Variants in RIMS1 observed in about 807,000 individuals in gnomAD.
The protein encoded by RIMS1 is regulating synaptic membrane exocytosis 1.
A neutral mutation model predicts 214.1 loss-of-function variants in RIMS1; 83 were observed. The observed-to-expected ratio is 0.39, with a 90% CI of 0.32 to 0.47. The LOEUF (loss-of-function observed/expected upper bound fraction) is 0.47. RIMS1 is among the 20% of genes least tolerant of loss of function. The probability of loss-of-function intolerance (pLI) is 0.99; values close to 1 mark genes in which losing one functional copy is unlikely to be tolerated. For synonymous variants in RIMS1, 793 were observed against 786.8 expected (o/e 1.01, Z -0.13); for missense variants, 2,050 against 2,161.8 (o/e 0.95, Z 1.03).
chr6:72,276,369 TTATC>T (rs2086411276), intron 23 of RIMS1, among the ~76,000 whole-genome samples: 1 of 152,184 alleles, frequency 6.6e-6, no homozygotes, highest in Non-Finnish European at 1.5e-5. Context: ...AAATGTAAGT[TTATC>T]TGGGCATTGA....
chr6:72,134,326 A>C (rs2040924835), intron 4 of RIMS1, among the ~76,000 whole-genome samples: 2 of 151,964 alleles, frequency 1.3e-5, no homozygotes, highest in Admixed American at 6.6e-5. Flanking sequence ...ATATGTATAT[A>C]TGTGGATTTT....
chr6:72,238,443 TAA>T (rs1242432528), intron 9 of RIMS1, among the ~76,000 whole-genome samples: 4 of 152,096 alleles, frequency 2.6e-5, no homozygotes, highest in African/African-American at 9.6e-5. Context: ...TTAGTAAATT[TAA>T]AAGTGACTCA....
chr6:71,919,991 C>G (rs939427133), intron 1 of RIMS1, among the ~76,000 whole-genome samples: 1 of 152,110 alleles, frequency 6.6e-6, no homozygotes, highest in Non-Finnish European at 1.5e-5. Flanking sequence ...CAATATTTTG[C>G]CACCAGGGGA....
At chr6:72,107,993 G>T (rs1178667528) in intron 4 of RIMS1, among the ~76,000 whole-genome samples, 1 of 151,902 alleles carries the variant, frequency 6.6e-6, no homozygotes, top group African/African-American at 2.4e-5. Context: ...CTGTTTTTTT[G>T]TTTGTTTGTT....
intron 29 of RIMS1, among the ~76,000 whole-genome samples, chr6:72,376,813 G>T (rs1389796681): frequency 6.6e-6 from 1 of 151,068 alleles, no homozygotes; most frequent in African/African-American, 2.4e-5. Flanking sequence ...TTTAATCACA[G>T]AAATTTATCA....
At chr6:71,996,251 C>T (rs1483157643) in intron 2 of RIMS1, among the ~76,000 whole-genome samples, 5 of 152,158 alleles carry the variant, frequency 3.3e-5, no homozygotes, top group Non-Finnish European at 7.4e-5. Flanking sequence ...ACCTTCAAAC[C>T]TAAAATTTTG....
chr6:72,223,511 G>A (rs1425718534), intron 6 of RIMS1, among the ~76,000 whole-genome samples: 1 of 152,014 alleles, frequency 6.6e-6, no homozygotes, highest in African/African-American at 2.4e-5. Context: ...TAAAAATGTA[G>A]CCAAGTGAAA....
At chr6:71,964,818 T>G (rs1309648554) in intron 1 of RIMS1, among the ~76,000 whole-genome samples, 1 of 152,168 alleles carries the variant, frequency 6.6e-6, no homozygotes, top group Non-Finnish European at 1.5e-5. Context: ...ATAGGAATGT[T>G]GCATGTATTT....
chr6:71,949,885 T>C (rs1788931781), intron 1 of RIMS1, among the ~76,000 whole-genome samples: 1 of 152,108 alleles, frequency 6.6e-6, no homozygotes, highest in Non-Finnish European at 1.5e-5. Context: ...GAAATGAAAA[T>C]ATATGCCTTC....
In RIMS1 at chr6:72,050,245, A is replaced by G. The variant is rs575206397; in HGVS notation, c.246-46704A>G. Among the ~76,000 whole-genome samples the G allele has an allele frequency of 8.6e-4, 130 of 151,646 alleles. 1 individual carries two copies. The Middle Eastern group carries it at 0.01, about 12-fold the overall frequency. On this transcript the variant is annotated intron_variant, in intron 2 of 33. Coordinates refer to ENST00000521978, the MANE Select transcript of RIMS1 (RefSeq NM_014989.7). ...TTTTAAGAAAATGTTTTGATTGACA[A>G]CTCTCAACTCACAAGGACTAGACAT...
intron 6 of RIMS1, among the ~76,000 whole-genome samples, chr6:72,199,764 G>A (rs994929261): frequency 6.6e-6 from 1 of 152,072 alleles, no homozygotes; most frequent in Non-Finnish European, 1.5e-5. Context: ...TGTAAATAAA[G>A]TGAGCATCTT....
chr6:72,268,802 G>A (rs1174645420), intron 22 of RIMS1, among the ~76,000 whole-genome samples: 2 of 152,136 alleles, frequency 1.3e-5, no homozygotes, highest in Non-Finnish European at 2.9e-5. Context: ...ACATGCTTAT[G>A]GGTTACCATA....
chr6:71,930,255 C>G (rs1782661350), intron 1 of RIMS1, among the ~76,000 whole-genome samples: 1 of 151,938 alleles, frequency 6.6e-6, no homozygotes, highest in Non-Finnish European at 1.5e-5. Context: ...AAGAAAAGCT[C>G]TAATTAACAT....
At chr6:72,026,162 A>G (rs764293774) in intron 2 of RIMS1, among the ~76,000 whole-genome samples, 2 of 152,134 alleles carry the variant, frequency 1.3e-5, no homozygotes, top group Non-Finnish European at 2.9e-5. Flanking sequence ...TTCAGTGGCT[A>G]TCTTGGAGGT....
intron 2 of RIMS1, among the ~76,000 whole-genome samples, chr6:72,039,652 G>A (rs1449158594): frequency 6.6e-6 from 1 of 152,028 alleles, no homozygotes; most frequent in African/African-American, 2.4e-5. Flanking sequence ...GGAGTTTTGG[G>A]ACAAAATATT....
intron 2 of RIMS1, among the ~76,000 whole-genome samples, chr6:71,984,854 A>G (rs1375068410): frequency 2.6e-5 from 4 of 151,986 alleles, no homozygotes; most frequent in Non-Finnish European, 5.9e-5. Flanking sequence ...TTGCCTATCC[A>G]TCTATCTATA....
At chr6:72,110,806 T>G (rs2035923414) in intron 4 of RIMS1, among the ~76,000 whole-genome samples, 1 of 152,122 alleles carries the variant, frequency 6.6e-6, no homozygotes, top group Non-Finnish European at 1.5e-5. Context: ...TTCTTCCAGT[T>G]TTTGCCCATT....
At chr6:72,260,935 A>G (rs2077699221) in intron 19 of RIMS1, 168 bp downstream of exon 19, 4 of 1,454,188 alleles carry the variant, frequency 2.8e-6, no homozygotes, top group African/African-American at 2.8e-5. Flanking sequence ...GGTTCCAAAT[A>G]TATTTCAGTT....
intron 4 of RIMS1, among the ~76,000 whole-genome samples, chr6:72,135,984 G>A (rs1197552408): frequency 6.6e-6 from 1 of 152,058 alleles, no homozygotes; most frequent in African/African-American, 2.4e-5. Context: ...AAATAACAAA[G>A]ATTTGCATAC....
Sources: gnomAD v4.1 joint callset for allele counts (sites outside exome capture counted in the v4.1 genomes callset) on GRCh38, gnomAD v4.1.1 for gene constraint, MANE v1.5 for transcripts, NCBI Gene and HGNC (gene_info 2026-07-23, HGNC 2026-07-21) for gene names.